RIN3: variants seen among roughly 807,000 people sequenced by gnomAD.
RIN3 encodes the protein Ras and Rab interactor 3.
In RIN3, 54 loss-of-function variants were observed where a neutral mutation model predicts 76.3. The ratio of observed to expected loss-of-function variants is 0.71; its 90% CI spans 0.57 to 0.89. RIN3 has a LOEUF of 0.89. Ranked by LOEUF, RIN3 falls within the 40% of genes least tolerant of loss-of-function variation. The pLI is 0.00. For missense variants in RIN3, 1,256 were observed against 1,322.1 expected, an observed-to-expected ratio of 0.95 and a Z score of 0.78; for synonymous variants, 576 against 564.0, an observed-to-expected ratio of 1.02 and a Z score of -0.30.
intron 2 of RIN3, among the ~76,000 whole-genome samples, chr14:92,567,039 C>T (rs909942678): frequency 1.1e-4 from 17 of 152,246 alleles, no homozygotes; most frequent in African/African-American, 2.2e-4. Flanking sequence ...CTGGAGGTCA[C>T]GTGTCTTGCA....
chr14:92,675,056 T>A (rs1888415113), intron 7 of RIN3, among the ~76,000 whole-genome samples: 1 of 152,194 alleles, frequency 6.6e-6, no homozygotes, highest in African/African-American at 2.4e-5. Flanking sequence ...AAGCCACATG[T>A]GAAAATTTTC....
chr14:92,516,740 C>T (rs1896453937), intron 1 of RIN3, among the ~76,000 whole-genome samples: 1 of 152,140 alleles, frequency 6.6e-6, no homozygotes, highest in South Asian at 2.1e-4. Context: ...AGGCCCTCCT[C>T]ATCTCCCCTA....
At chr14:92,551,453 C>T (rs908442886) in intron 1 of RIN3, among the ~76,000 whole-genome samples, 7 of 152,104 alleles carry the variant, frequency 4.6e-5, no homozygotes, top group South Asian at 2.1e-4. Flanking sequence ...TCATTTCCCT[C>T]GGGTGTATAC....
chr14:92,520,959 A>G (rs1347670895), intron 1 of RIN3, among the ~76,000 whole-genome samples: 3 of 152,196 alleles, frequency 2.0e-5, no homozygotes, highest in Non-Finnish European at 4.4e-5. Context: ...AGCATTTATT[A>G]TCGTTGCTTC....
In RIN3 at chr14:92,652,081, C is replaced by T; in HGVS notation, c.1032C>T (p.Leu344=). Residue 344 remains leucine, a synonymous_variant, in exon 6 of 10, where the codon CTC becomes CTT. Coordinates refer to ENST00000216487, the MANE Select transcript of RIN3 (RefSeq NM_024832.5). The surrounding 1 kb of genome is among the most constrained non-coding windows in gnomAD (Gnocchi z 6.4). The part of the protein sequence containing the change: ...NQPPMMTCER[L]PCPTAGLGPL... ...CGCCCATGATGACCTGCGAGAGACT[C>T]CCATGCCCCACTGCAGGCCTGGGCC... 1.2e-6 allele frequency: 2 copies of T among 1,604,688 alleles called. No homozygotes were observed. Among genetic ancestry groups the T allele is most frequent in the Middle Eastern group, 1.6e-4 (1 of 6,062 alleles).
At position 92,652,791 on chromosome 14, in the gene RIN3, G is replaced by A. The variant is rs376058395; in HGVS notation, c.1742G>A (p.Arg581Gln). ...PSMILGKARH[R>Q]LSFASFSSMF... ...ATGATCCTGGGCAAGGCTCGGCACC[G>A]GCTGAGCTTTGCCAGTTTCAGCAGC... The change falls in exon 6 of 10, where the codon CGG becomes CAG. Residue 581 changes from arginine to glutamine, a missense_variant. Arg to Gln is a conservative substitution (Grantham distance 43, BLOSUM62 1). This residue lies in a region of RIN3 where 428 missense variants were observed against 521.2 expected (regional missense o/e 0.82). Transcript: ENST00000216487. The surrounding 1 kb of genome is among the most constrained non-coding windows in gnomAD (Gnocchi z 6.4). 16 of 1,614,010 alleles carry A rather than the reference G, an allele frequency of 9.9e-6. No homozygotes were observed. The highest frequency in any genetic ancestry group is 5.0e-5 in the Admixed American group (3 of 60,028).
intron 1 of RIN3, among the ~76,000 whole-genome samples, chr14:92,548,599 G>A (rs141661352): frequency 0.011 from 1,734 of 152,164 alleles, 17 homozygotes; most frequent in Non-Finnish European, 0.019. Context: ...CCTGGTAGTG[G>A]CTGTCTACCT....
chr14:92,609,581 C>T (rs930703289), intron 3 of RIN3, among the ~76,000 whole-genome samples: 4 of 152,144 alleles, frequency 2.6e-5, no homozygotes, highest in East Asian at 1.9e-4. Flanking sequence ...AGGGCAGAAG[C>T]GGGTGCTGGA....
At chr14:92,658,953 G>T (rs1887773051) in intron 6 of RIN3, among the ~76,000 whole-genome samples, 1 of 152,194 alleles carries the variant, frequency 6.6e-6, no homozygotes, top group Non-Finnish European at 1.5e-5. Context: ...GTTCCCAGGG[G>T]CTCCTGTGCC....
chr14:92,649,779 A>G (rs11621843), intron 5 of RIN3, among the ~76,000 whole-genome samples: 20,656 of 152,176 alleles, frequency 0.14, 1,606 homozygotes, highest in East Asian at 0.25. Context: ...GTCACAGGAA[A>G]GGTTGTCATG....
chr14:92,638,470 G>A (rs553569749), intron 4 of RIN3, among the ~76,000 whole-genome samples: 32 of 152,320 alleles, frequency 2.1e-4, no homozygotes, highest in African/African-American at 5.3e-4. Flanking sequence ...TGCAACTGCA[G>A]CAGACTGAGT....
intron 5 of RIN3, among the ~76,000 whole-genome samples, chr14:92,641,714 G>A (rs1189434483): frequency 6.6e-6 from 1 of 152,218 alleles, no homozygotes; most frequent in Non-Finnish European, 1.5e-5. Context: ...CAGCATGAAT[G>A]TGACCATGAA....
intron 1 of RIN3, among the ~76,000 whole-genome samples, chr14:92,542,844 A>G (rs985794178): frequency 1.3e-5 from 2 of 152,342 alleles, no homozygotes; most frequent in South Asian, 4.1e-4. Context: ...AAAGGACCAC[A>G]TAGTGTATGC....
chr14:92,677,556 C>CTGT (rs1888512796), intron 8 of RIN3, among the ~76,000 whole-genome samples: 1 of 152,092 alleles, frequency 6.6e-6, no homozygotes, highest in Admixed American at 6.5e-5. Context: ...CGTGTTAAAG[C>CTGT]CATGACGTTT....
rs369944476 is a variant in RIN3, at chr14:92,554,113, C to G, written c.45-1638C>G. 7.2e-5 allele frequency among the ~76,000 whole-genome samples: 11 copies of G among 152,232 alleles called. No individual in the cohort carries two copies. In the South Asian group the frequency reaches 1.0e-3, roughly 14 times the overall value. ...ACAGCTTCATGGCTTTCTGGGTACC[C>G]TTGTCTGTGTGATTAAGGTTTTCAC... is the stretch of plus-strand genomic sequence containing the variant. On this transcript the variant is annotated intron_variant, in intron 1 of 9. Transcript: ENST00000216487.
chr14:92,615,702 T>C (rs1885932609), intron 4 of RIN3: 1 of 545,232 alleles, frequency 1.8e-6, no homozygotes, highest in East Asian at 3.1e-5. Context: ...CACCTGCCCC[T>C]CTGGCTCACG....
chr14:92,677,799 C>T (rs1888520591), intron 8 of RIN3, among the ~76,000 whole-genome samples: 1 of 151,830 alleles, frequency 6.6e-6, no homozygotes, highest in Non-Finnish European at 1.5e-5. Flanking sequence ...CATTCACCTA[C>T]CCATCCATCC....
intron 2 of RIN3, among the ~76,000 whole-genome samples, chr14:92,565,866 C>T (rs1595420656): frequency 6.6e-6 from 1 of 152,106 alleles, no homozygotes; most frequent in Non-Finnish European, 1.5e-5. Flanking sequence ...AATGCCTAAC[C>T]TCCTGGGAAT....
intron 1 of RIN3, among the ~76,000 whole-genome samples, chr14:92,522,709 C>A (rs957012525): frequency 3.3e-5 from 5 of 152,176 alleles, no homozygotes; most frequent in African/African-American, 1.2e-4. Context: ...CATCCTGGAG[C>A]CTTTGAGTCC....
Sources: gnomAD v4.1 joint callset for allele counts (sites outside exome capture counted in the v4.1 genomes callset) on GRCh38, gnomAD v4.1.1 for gene constraint, gnomAD v4.1.1 regional missense constraint, Gnocchi (gnomAD v3.1) non-coding constraint, MANE v1.5 for transcripts, NCBI Gene and HGNC (gene_info 2026-07-23, HGNC 2026-07-21) for gene names.